Variants in ADARB2 observed in about 807,000 individuals in gnomAD.
The protein encoded by ADARB2 is adenosine deaminase RNA specific B2 (inactive), also known as inactive double-stranded RNA-specific editase B2.
In ADARB2, 25 loss-of-function variants were observed where a neutral mutation model predicts 62.2. The observed-to-expected ratio is 0.40, with a 90% CI of 0.29 to 0.56. ADARB2 has a LOEUF of 0.56. ADARB2 is among the 20% of genes least tolerant of loss of function. The pLI is 0.43. For missense variants in ADARB2, 1,071 were observed against 1,077.4 expected, an observed-to-expected ratio of 0.99 and a Z score of 0.08; for synonymous variants, 572 against 500.8, an observed-to-expected ratio of 1.14 and a Z score of -1.90.
chr10:1,463,715 C>T (rs557307377), intron 1 of ADARB2, among the ~76,000 whole-genome samples: 2 of 152,182 alleles, frequency 1.3e-5, no homozygotes, highest in African/African-American at 4.8e-5. Context: ...AGAACTTGTG[C>T]TCTTTGAAAT....
intron 3 of ADARB2, among the ~76,000 whole-genome samples, chr10:1,313,358 CA>C (rs1378957066): frequency 1.3e-5 from 2 of 152,244 alleles, no homozygotes; most frequent in Non-Finnish European, 2.9e-5. Flanking sequence ...TGCTGCCTGC[CA>C]GGGGGTCCCC....
At chr10:1,217,409 A>C (rs1172158403) in intron 6 of ADARB2, among the ~76,000 whole-genome samples, 1 of 152,208 alleles carries the variant, frequency 6.6e-6, no homozygotes, top group Admixed American at 6.5e-5. Flanking sequence ...GCGTGAGTGC[A>C]GCCACGGCCT....
intron 1 of ADARB2, among the ~76,000 whole-genome samples, chr10:1,582,153 A>G (rs1833111374): frequency 6.6e-6 from 1 of 152,186 alleles, no homozygotes; most frequent in Non-Finnish European, 1.5e-5. Context: ...GATGGATGAG[A>G]GGCAGAAATG....
chr10:1,291,866 C>T (rs901589771), intron 3 of ADARB2: 2 of 152,444 alleles, frequency 1.3e-5, no homozygotes, highest in Non-Finnish European at 2.9e-5. Flanking sequence ...CTGTGTTTCC[C>T]TAGAGAGGAC....
chr10:1,415,204 ATGGATGGG>A (rs1316753506), intron 1 of ADARB2, among the ~76,000 whole-genome samples: 2 of 150,804 alleles, frequency 1.3e-5, no homozygotes, highest in Admixed American at 6.6e-5. Context: ...CAGATGGTGG[ATGGATGGG>A]TGGATGGGTG....
intron 1 of ADARB2, among the ~76,000 whole-genome samples, chr10:1,400,691 G>T (rs1832654012): frequency 6.6e-6 from 1 of 152,192 alleles, no homozygotes; most frequent in East Asian, 1.9e-4. Context: ...GGCACTGAGG[G>T]GCTGGTGCCC....
intron 1 of ADARB2, among the ~76,000 whole-genome samples, chr10:1,677,263 T>C: frequency 6.6e-6 from 1 of 152,200 alleles, no homozygotes. Flanking sequence ...CTAGAGTCCT[T>C]AAACTGAAGC....
intron 3 of ADARB2, among the ~76,000 whole-genome samples, chr10:1,314,865 C>G (rs73594163): frequency 1.3e-5 from 2 of 152,282 alleles, no homozygotes; most frequent in African/African-American, 4.8e-5. Context: ...TCAGAGTGAA[C>G]TCAAGGCCCT....
intron 1 of ADARB2, among the ~76,000 whole-genome samples, chr10:1,444,920 T>G (rs777403864): frequency 2.3e-5 from 3 of 128,836 alleles, no homozygotes; most frequent in Admixed American, 7.7e-5. Flanking sequence ...CCGTCTACAT[T>G]CTCCTTCCAT....
chr10:1,252,351 T>G (rs1332573698), intron 4 of ADARB2, among the ~76,000 whole-genome samples: 1 of 152,238 alleles, frequency 6.6e-6, no homozygotes, highest in Non-Finnish European at 1.5e-5. Context: ...TCTGCCTCCC[T>G]ATTTCCTAGA....
intron 1 of ADARB2, among the ~76,000 whole-genome samples, chr10:1,681,573 G>A (rs1027600612): frequency 6.6e-6 from 1 of 152,044 alleles, no homozygotes; most frequent in South Asian, 2.1e-4. Context: ...CTGGCAAATT[G>A]TTTGGCCTCA....
At chr10:1,436,156 G>A (rs1830833267) in intron 1 of ADARB2, among the ~76,000 whole-genome samples, 1 of 152,192 alleles carries the variant, frequency 6.6e-6, no homozygotes, top group Non-Finnish European at 1.5e-5. Context: ...ATGTGCGTGT[G>A]TGCATGCTTG....
intron 1 of ADARB2, among the ~76,000 whole-genome samples, chr10:1,703,232 G>C (rs147089386): frequency 6.6e-6 from 1 of 152,266 alleles, no homozygotes; most frequent in East Asian, 1.9e-4. Context: ...GGAGGGCATG[G>C]GCATAAATAG....
chr10:1,302,567 TG>T (rs1402383248), intron 3 of ADARB2, among the ~76,000 whole-genome samples: 2 of 152,174 alleles, frequency 1.3e-5, no homozygotes, highest in Non-Finnish European at 2.9e-5. Context: ...GCTCCACCTC[TG>T]GGGGCAGGGC....
rs190419562 is a variant in ADARB2 at position 1,339,116 on chromosome 10, C to G, written c.1077+23912G>C. The stretch of plus-strand genomic sequence containing the variant: ...TCTCCTCCCTGGACCCCACACTAGC[C>G]GGGTTGCTCGGCCACGCCCTGTGCT... On this transcript the variant is annotated intron_variant, in intron 3 of 9. Coordinates refer to ENST00000381312, the MANE Select transcript of ADARB2 (RefSeq NM_018702.4). Among the ~76,000 whole-genome samples the G allele has an allele frequency of 1.3e-3, 193 of 152,296 alleles. 2 individuals are homozygous for G. The highest frequency in any genetic ancestry group is 4.4e-3 in the African/African-American group (184 of 41,572).
chr10:1,214,120 CA>C (rs1564222920), intron 7 of ADARB2, among the ~76,000 whole-genome samples: 2 of 111,462 alleles, frequency 1.8e-5, no homozygotes, highest in African/African-American at 6.5e-5. Flanking sequence ...CACCTGTGTC[CA>C]GCGTCATGTA....
intron 1 of ADARB2, among the ~76,000 whole-genome samples, chr10:1,511,570 G>A (rs1028695827): frequency 3.3e-5 from 5 of 152,094 alleles, no homozygotes; most frequent in Admixed American, 1.3e-4. Flanking sequence ...AGAATCAGCC[G>A]AGGAAGGATT....
At chr10:1,465,889 G>A (rs1362810654) in intron 1 of ADARB2, among the ~76,000 whole-genome samples, 2 of 152,242 alleles carry the variant, frequency 1.3e-5, no homozygotes, top group East Asian at 1.9e-4. Flanking sequence ...CTTTCAGAGT[G>A]TACTTTTGCT....
At chr10:1,478,129 G>A (rs920480608) in intron 1 of ADARB2, among the ~76,000 whole-genome samples, 4 of 152,262 alleles carry the variant, frequency 2.6e-5, no homozygotes, top group Admixed American at 2.0e-4. Context: ...AGAGACTCCA[G>A]TCATGGGAGC....
Sources: gnomAD v4.1 joint callset for allele counts (sites outside exome capture counted in the v4.1 genomes callset) on GRCh38, gnomAD v4.1.1 for gene constraint, MANE v1.5 for transcripts, NCBI Gene and HGNC (gene_info 2026-07-23, HGNC 2026-07-21) for gene names.